Variants in FBXO38 observed in about 807,000 individuals in gnomAD.
FBXO38 encodes F-box only protein 38.
FBXO38 carries 53 observed loss-of-function variants against 131.9 expected under a neutral mutation model. That is an observed-to-expected ratio of 0.40 (90% CI 0.32 to 0.51). The LOEUF (loss-of-function observed/expected upper bound fraction) is 0.51. Among genes scored for constraint, FBXO38 ranks in the 20% least tolerant of loss-of-function variants. The pLI is 0.53. For missense variants in FBXO38, 1,076 were observed against 1,475.6 expected (o/e 0.73, Z 4.44); for synonymous variants, 452 against 505.6 (o/e 0.89, Z 1.42).
chr5:148,438,288 C>T lies in FBXO38; in HGVS notation c.2858-44C>T, dbSNP rs114634214. ...GCCAACAAAAATTAGGCCATCTCTC[C>T]AAAGATGATATGTACGGAGCTTACC... On this transcript the variant is annotated intron_variant, in intron 17 of 21. Coordinates refer to ENST00000340253, the MANE Select transcript of FBXO38 (RefSeq NM_205836.3). 3.4e-3 allele frequency: 5,375 copies of T among 1,583,718 alleles called. 15 individuals carry two copies. The highest frequency in any genetic ancestry group is 3.9e-3 in the Non-Finnish European group (4,545 of 1,163,374).
At chr5:148,400,684 T>TC (rs1752095363) in intron 3 of FBXO38, among the ~76,000 whole-genome samples, 1 of 152,140 alleles carries the variant, frequency 6.6e-6, no homozygotes, top group African/African-American at 2.4e-5. Context: ...CTCTTTGGAT[T>TC]CTCACTCCAT....
intron 2 of FBXO38, among the ~76,000 whole-genome samples, chr5:148,397,235 C>G (rs10041283): frequency 0.25 from 38,051 of 152,034 alleles, 4,806 homozygotes; most frequent in South Asian, 0.29. Context: ...GCTGTCCCTG[C>G]TATGCTCTCT....
chr5:148,398,528 G>C (rs1751947292), intron 2 of FBXO38, among the ~76,000 whole-genome samples: 1 of 152,036 alleles, frequency 6.6e-6, no homozygotes, highest in African/African-American at 2.4e-5. Flanking sequence ...GAGTTTGCAG[G>C]AGCAGGATGG....
At position 148,402,092 on chromosome 5, in the gene FBXO38, G is replaced by A; in HGVS notation, c.373G>A (p.Ala125Thr). The A allele has an allele frequency of 1.9e-6, 3 of 1,613,654 alleles. No individual in the cohort carries two copies. The highest frequency in any genetic ancestry group is 1.1e-5 in the South Asian group (1 of 91,072). Residue 125 changes from alanine to threonine, a missense_variant, in exon 4 of 22, where the codon GCT (alanine) becomes ACT (threonine). Ala to Thr is a moderately conservative substitution (Grantham distance 58, BLOSUM62 0). Transcript: ENST00000340253. Reference sequence around the variant, plus strand: ...GAGGCGAAGAGTAAGGGGCCATGAGGCTTTTAGCATTCCAGGAGTCCTAGA... The same window carrying A: ...GAGGCGAAGAGTAAGGGGCCATGAGACTTTTAGCATTCCAGGAGTCCTAGA... ...LERRRVRGHE[A>T]FSIPGVLEAL...
chr5:148,403,840 A>G (rs1184062242), intron 5 of FBXO38, among the ~76,000 whole-genome samples: 1 of 152,196 alleles, frequency 6.6e-6, no homozygotes, highest in Non-Finnish European at 1.5e-5. Context: ...TGCATTAAAC[A>G]GTTTTGCCAA....
intron 9 of FBXO38, among the ~76,000 whole-genome samples, chr5:148,411,343 A>G (rs1035776910): frequency 6.6e-5 from 10 of 152,170 alleles, no homozygotes; most frequent in African/African-American, 2.2e-4. Context: ...ATGCATGTCA[A>G]TTCATTACTC....
intron 17 of FBXO38, among the ~76,000 whole-genome samples, chr5:148,435,790 A>G (rs762373486): frequency 1.3e-5 from 2 of 152,146 alleles, no homozygotes; most frequent in Non-Finnish European, 2.9e-5. Context: ...ATAAAAAAAT[A>G]CAGTGAGATT....
chr5:148,388,979 C>T (rs1249367989), intron 1 of FBXO38, among the ~76,000 whole-genome samples: 1 of 152,222 alleles, frequency 6.6e-6, no homozygotes, highest in African/African-American at 2.4e-5. Flanking sequence ...ATGCTCAACT[C>T]TTCCTTTCAC....
chr5:148,431,241 A>T (rs1754029095), intron 15 of FBXO38, among the ~76,000 whole-genome samples: 1 of 152,236 alleles, frequency 6.6e-6, no homozygotes. Context: ...TGAGTTACTA[A>T]AAAATGTTCC....
Position 148,439,700 on chromosome 5 carries a change from C to T in FBXO38, c.3078C>T (p.His1026=), listed in dbSNP as rs370895783. The T allele has an allele frequency of 4.2e-5, 67 of 1,613,926 alleles. No individual in the cohort carries two copies. The highest frequency in any genetic ancestry group is 5.1e-5 in the Non-Finnish European group (60 of 1,179,932). ...TATTTAGTGGTCCCTACCCCTATCACATCTGTATTATCCATGAATTCAGTA... is the reference window on the plus strand; with the variant it reads ...TATTTAGTGGTCCCTACCCCTATCATATCTGTATTATCCATGAATTCAGTA... The part of the protein sequence containing the change: ...QKLFSGPYPY[H]ICIIHEFSNP... Residue 1026 remains histidine (H), a synonymous_variant, in exon 19 of 22, where the codon CAC becomes CAT. Transcript: ENST00000340253.
chr5:148,441,520 T>A, intron 21 of FBXO38: 1 of 252,864 alleles, frequency 4.0e-6, no homozygotes, highest in Non-Finnish European at 7.4e-6. Context: ...ATTAAATAAC[T>A]TCAACTATAT....
chr5:148,410,640 A>G lies in FBXO38; in HGVS notation c.968A>G (p.His323Arg). 1 of 1,613,962 alleles carries G rather than the reference A, an allele frequency of 6.2e-7. No individual in the cohort carries two copies. ...TTCTCTGTCTTTATTCACAGGTTAC[A>G]TGAAGTTCGGATCCAGCCTTCCCTA... ...YLIITAARRL[H>R]EVRIQPSLTK... The change falls in exon 9 of 22, where the codon CAT becomes CGT. Residue 323 changes from histidine (H) to arginine (R), a missense_variant. Around this residue, in one of 8 missense-constraint regions of FBXO38, gnomAD observed 146 missense variants for 274.3 expected, o/e 0.53. Transcript: ENST00000340253.
intron 14 of FBXO38, among the ~76,000 whole-genome samples, chr5:148,426,337 C>A (rs922215141): frequency 3.3e-5 from 5 of 152,124 alleles, no homozygotes; most frequent in Non-Finnish European, 1.5e-5. Flanking sequence ...ACCCTTACTC[C>A]TTAATATTTT....
In FBXO38 at chr5:148,402,327, T is replaced by C. The variant is rs757660995; in HGVS notation, c.427-21T>C. 5.7e-6 allele frequency: 9 copies of C among 1,583,554 alleles called. No individual in the cohort carries two copies. The South Asian group carries it at 9.2e-5, about 16-fold the overall frequency. ...CTAAACTAAAGTCTTTTCTTATGCT[T>C]GCTTTGGCATTATTTTCTAGGGTGT... On this transcript the variant is annotated intron_variant, in intron 4 of 21. Transcript: ENST00000340253.
chr5:148,407,245 C>T (rs1212012382), intron 7 of FBXO38, among the ~76,000 whole-genome samples: 1 of 152,026 alleles, frequency 6.6e-6, no homozygotes, highest in African/African-American at 2.4e-5. Context: ...AAGTCAAAAA[C>T]GAAAAGAAGG....
At chr5:148,409,452 C>A (rs1373295292) in intron 8 of FBXO38, among the ~76,000 whole-genome samples, 1 of 152,168 alleles carries the variant, frequency 6.6e-6, no homozygotes, top group East Asian at 1.9e-4. Context: ...GTGGCATGGT[C>A]TCATATCAGA....
At chr5:148,426,697 A>G (rs1055086171) in intron 14 of FBXO38, among the ~76,000 whole-genome samples, 1 of 152,184 alleles carries the variant, frequency 6.6e-6, no homozygotes, top group African/African-American at 2.4e-5. Flanking sequence ...ACTGTGAGGG[A>G]TACAGAGATG....
At chr5:148,411,227 G>A (rs1052732853) in intron 9 of FBXO38, among the ~76,000 whole-genome samples, 2 of 152,130 alleles carry the variant, frequency 1.3e-5, no homozygotes, top group Non-Finnish European at 2.9e-5. Flanking sequence ...CAGATAGTGT[G>A]AGCACATAAT....
At chr5:148,422,131 C>T (rs1294841046) in intron 12 of FBXO38, among the ~76,000 whole-genome samples, 1 of 151,872 alleles carries the variant, frequency 6.6e-6, no homozygotes, top group African/African-American at 2.4e-5. Context: ...CTTATAGCAA[C>T]CAGGGCAGTC....
Sources: allele counts gnomAD v4.1 joint callset (sites outside exome capture counted in the v4.1 genomes callset), GRCh38; gene constraint gnomAD v4.1.1; regional missense constraint gnomAD v4.1.1; transcripts MANE v1.5; gene names NCBI Gene and HGNC (gene_info 2026-07-23, HGNC 2026-07-21).